The following GRAMD2B variants were observed in gnomAD, a reference collection of about 807,000 sequenced individuals.
GRAMD2B encodes GRAM domain containing 2B.
Under a neutral mutation model 59.2 loss-of-function variants are expected in GRAMD2B, and 41 were observed. That is an observed-to-expected ratio of 0.69 (90% CI 0.54 to 0.90). The LOEUF is 0.90. Ranked by LOEUF, GRAMD2B falls within the 40% of genes least tolerant of loss-of-function variation. The pLI, the probability that GRAMD2B is intolerant of heterozygous loss-of-function variation, is 0.00. For synonymous variants in GRAMD2B, 161 were observed against 182.7 expected (o/e 0.88, Z 0.96); for missense variants, 424 against 500.5 (o/e 0.85, Z 1.46).
At chr5:126,375,364 A>C (rs1755084715) in intron 1 of GRAMD2B, among the ~76,000 whole-genome samples, 1 of 151,936 alleles carries the variant, frequency 6.6e-6, no homozygotes, top group Admixed American at 6.6e-5. Flanking sequence ...TTACTCCTTG[A>C]AATCTTTTTG....
intron 1 of GRAMD2B, among the ~76,000 whole-genome samples, chr5:126,397,853 G>A (rs1461632039): frequency 6.6e-6 from 1 of 152,016 alleles, no homozygotes; most frequent in Non-Finnish European, 1.5e-5. Context: ...CATTGTCTGG[G>A]TTTGGTAGCA....
chr5:126,471,090 A>G (rs1769486120), intron 3 of GRAMD2B, among the ~76,000 whole-genome samples: 1 of 152,172 alleles, frequency 6.6e-6, no homozygotes, highest in Admixed American at 6.5e-5. Flanking sequence ...GGGACCATCT[A>G]TCATCTTGAT....
intron 1 of GRAMD2B, among the ~76,000 whole-genome samples, chr5:126,406,846 C>G (rs1758309417): frequency 1.3e-5 from 2 of 152,064 alleles, no homozygotes; most frequent in East Asian, 3.9e-4. Flanking sequence ...GAGAAGTAAG[C>G]CAGATTGCTT....
chr5:126,432,073 C>CGT (rs1165785837), intron 1 of GRAMD2B, among the ~76,000 whole-genome samples: 2 of 152,232 alleles, frequency 1.3e-5, no homozygotes, highest in African/African-American at 4.8e-5. Flanking sequence ...GGACTACAGG[C>CGT]GTGCACCACC....
intron 8 of GRAMD2B, 121 bp from the exon 9 acceptor site, chr5:126,483,342 A>T (rs1581256308): frequency 2.0e-6 from 1 of 509,128 alleles, no homozygotes. Context: ...CGTATGGAGT[A>T]ATCCTTCCTT....
chr5:126,492,708 G>A (rs956693668), intron 13 of GRAMD2B, among the ~76,000 whole-genome samples: 4 of 152,052 alleles, frequency 2.6e-5, no homozygotes, highest in Middle Eastern at 3.4e-3. Context: ...GTGACAGAGC[G>A]AGACCCTTTC....
chr5:126,484,326 T>C lies in GRAMD2B; in HGVS notation c.848-76T>C. 4 of 1,503,856 alleles carry C rather than the reference T, an allele frequency of 2.7e-6. No homozygotes were observed. The South Asian group carries it at 3.9e-5, about 15-fold the overall frequency. The allele number at this position is 1,503,856 out of a possible 1,614,324, so 93.2% of individuals were successfully genotyped here. A position where few individuals can be genotyped will look rare whatever the true frequency, so the allele number is the denominator to read the frequency against. On this transcript the variant is annotated intron_variant, in intron 9 of 13. Transcript: ENST00000285689. Reference sequence around the variant, plus strand: ...TTGACCATTATGCATGTTAAGGGATTGATTTACTTGGAGATTAATCCTGTT... The same window carrying C: ...TTGACCATTATGCATGTTAAGGGATCGATTTACTTGGAGATTAATCCTGTT...
At chr5:126,380,028 T>C (rs1306763254) in intron 1 of GRAMD2B, among the ~76,000 whole-genome samples, 2 of 152,228 alleles carry the variant, frequency 1.3e-5, no homozygotes, top group African/African-American at 4.8e-5. Flanking sequence ...TTCTAGAATT[T>C]TTATGGTTTC....
At chr5:126,393,049 G>T (rs77402704) in intron 1 of GRAMD2B, among the ~76,000 whole-genome samples, 4 of 152,132 alleles carry the variant, frequency 2.6e-5, no homozygotes, top group Admixed American at 1.3e-4. Context: ...CAAAGTTCAC[G>T]CAAGAAAATG....
chr5:126,472,765 A>C (rs1769862785), intron 4 of GRAMD2B, among the ~76,000 whole-genome samples: 1 of 152,182 alleles, frequency 6.6e-6, no homozygotes, highest in South Asian at 2.1e-4. Flanking sequence ...TAGACTCTGC[A>C]GTGGTTCATC....
At chr5:126,450,022 ACTTGGT>A (rs1765047559) in intron 1 of GRAMD2B, among the ~76,000 whole-genome samples, 1 of 151,968 alleles carries the variant, frequency 6.6e-6, no homozygotes, top group Non-Finnish European at 1.5e-5. Context: ...ATGCCCATGT[ACTTGGT>A]CTTTTAAGCT....
At chr5:126,382,850 G>A (rs909423391) in intron 1 of GRAMD2B, among the ~76,000 whole-genome samples, 3 of 152,140 alleles carry the variant, frequency 2.0e-5, no homozygotes, top group Admixed American at 2.0e-4. Flanking sequence ...GGGGCTCAAG[G>A]GCTGCTGTTC....
chr5:126,415,891 A>G (rs968909485), intron 1 of GRAMD2B, among the ~76,000 whole-genome samples: 2 of 152,228 alleles, frequency 1.3e-5, no homozygotes, highest in South Asian at 2.1e-4. Flanking sequence ...GTGATAGAAA[A>G]TATGTAATAT....
chr5:126,453,552 C>A (rs1039017453), intron 1 of GRAMD2B, among the ~76,000 whole-genome samples: 2 of 152,206 alleles, frequency 1.3e-5, no homozygotes, highest in African/African-American at 2.4e-5. Flanking sequence ...ATCAATCTTC[C>A]TTGGCTGGAA....
chr5:126,481,416 C>T (rs1413282985), intron 8 of GRAMD2B, among the ~76,000 whole-genome samples: 1 of 152,074 alleles, frequency 6.6e-6, no homozygotes, highest in African/African-American at 2.4e-5. Context: ...CCAACCATAC[C>T]ATTCAAATGA....
At chr5:126,465,348 A>G in intron 1 of GRAMD2B, 78 bp from the exon 2 acceptor site, 1 of 1,600,206 alleles carries the variant, frequency 6.2e-7, no homozygotes, top group Non-Finnish European at 8.5e-7. Context: ...TCTCTAGAAA[A>G]CCATGTTACT....
intron 1 of GRAMD2B, among the ~76,000 whole-genome samples, chr5:126,372,207 G>T (rs1420585903): frequency 6.6e-6 from 1 of 151,840 alleles, no homozygotes; most frequent in Non-Finnish European, 1.5e-5. Flanking sequence ...TATTCATTTT[G>T]TCTCATTATA....
At chr5:126,410,003 A>G (rs1758634549) in intron 1 of GRAMD2B, among the ~76,000 whole-genome samples, 4 of 151,442 alleles carry the variant, frequency 2.6e-5, no homozygotes, top group African/African-American at 9.7e-5. Flanking sequence ...AGTTGTAGAT[A>G]TGCGGCTTTA....
chr5:126,386,003 A>C (rs543186149), intron 1 of GRAMD2B, among the ~76,000 whole-genome samples: 1 of 152,304 alleles, frequency 6.6e-6, no homozygotes, highest in South Asian at 2.1e-4. Context: ...GTTGGAGGAA[A>C]TGAGGTAAAG....
Sources: allele counts gnomAD v4.1 joint callset (sites outside exome capture counted in the v4.1 genomes callset), GRCh38; gene constraint gnomAD v4.1.1; transcripts MANE v1.5; gene names NCBI Gene and HGNC (gene_info 2026-07-23, HGNC 2026-07-21).